The following STAT5B variants were observed in gnomAD, a reference collection of about 807,000 sequenced individuals.
The protein encoded by STAT5B is transcription factor STAT5B.
STAT5B carries 21 observed loss-of-function variants against 107.8 expected under a neutral mutation model. The ratio of observed to expected loss-of-function variants is 0.19; its 90% CI spans 0.14 to 0.28. The LOEUF is 0.28. Among genes scored for constraint, STAT5B ranks in the 10% least tolerant of loss-of-function variants. The pLI, the probability that STAT5B is intolerant of heterozygous loss-of-function variation, is 1.00. For synonymous variants in STAT5B, 325 were observed against 401.7 expected (o/e 0.81, Z 2.28); for missense variants, 565 against 1,008.2 (o/e 0.56, Z 5.95).
the STAT5B span, among the ~76,000 whole-genome samples, chr17:42,285,711 C>T: frequency 5.3e-5 from 8 of 152,200 alleles, no homozygotes; most frequent in African/African-American, 1.7e-4. Flanking sequence ...TCTGGAGCCA[C>T]GACTACAGTC....
At chr17:42,251,264 G>T (rs957844386) in intron 1 of STAT5B, among the ~76,000 whole-genome samples, 1 of 152,088 alleles carries the variant, frequency 6.6e-6, no homozygotes, top group East Asian at 1.9e-4. Context: ...GAACTGTCCT[G>T]GGCTTGGGTA....
At chr17:42,245,583 C>T (rs957378276) in intron 1 of STAT5B, among the ~76,000 whole-genome samples, 1 of 151,786 alleles carries the variant, frequency 6.6e-6, no homozygotes, top group African/African-American at 2.4e-5. Context: ...AGTGTAATGG[C>T]GCGATCTTGG....
intron 15 of STAT5B, among the ~76,000 whole-genome samples, chr17:42,209,153 C>T (rs1195916125): frequency 4.0e-5 from 6 of 151,852 alleles, no homozygotes; most frequent in African/African-American, 1.5e-4. Context: ...TCCCACCTCA[C>T]CCTCCAGAGT....
chr17:42,249,259 G>A (rs1448596505), intron 1 of STAT5B, among the ~76,000 whole-genome samples: 1 of 152,130 alleles, frequency 6.6e-6, no homozygotes, highest in Non-Finnish European at 1.5e-5. Context: ...TGGGTGTGGT[G>A]GCGCGTGACT....
chr17:42,266,706 T>C lies in STAT5B; in HGVS notation c.-11+9542A>G, dbSNP rs111946145. Among the ~76,000 whole-genome samples, 1,505 of 151,866 alleles carry C rather than the reference T, an allele frequency of 9.9e-3. 26 individuals carry two copies. Among genetic ancestry groups the C allele is most frequent in the African/African-American group, 0.035 (1,451 of 41,372 alleles). ...GGAGACATAGCAAGACCCCTGTCTC[T>C]ATTTTTTTTTAACTATGTGCATTTT... On this transcript the variant is annotated intron_variant, in intron 1 of 18. Coordinates refer to ENST00000293328, the MANE Select transcript of STAT5B (RefSeq NM_012448.4).
At chr17:42,286,018 G>A in the STAT5B span, among the ~76,000 whole-genome samples, 1,532 of 152,064 alleles carry the variant, frequency 0.01, 19 homozygotes, top group African/African-American at 0.035. Context: ...TCGGGAGTTC[G>A]AGACCAGCCT....
intron 1 of STAT5B, among the ~76,000 whole-genome samples, chr17:42,253,882 G>A (rs984104369): frequency 7.2e-5 from 11 of 151,996 alleles, no homozygotes; most frequent in Non-Finnish European, 1.2e-4. Flanking sequence ...TCTGTCTCTG[G>A]CACTTTAACA....
intron 16 of STAT5B, among the ~76,000 whole-genome samples, chr17:42,206,750 T>C (rs1252059847): frequency 1.3e-5 from 2 of 151,876 alleles, no homozygotes; most frequent in African/African-American, 2.4e-5. Context: ...TAATTTTGTA[T>C]TTTCAGTAGA....
rs941014817 is a variant in STAT5B at position 42,202,377 on chromosome 17, C to T, written c.2200G>A (p.Val734Met). 6.2e-7 allele frequency: 1 copy of T among 1,614,248 alleles called. No individual in the cohort carries two copies. The highest frequency in any genetic ancestry group is 8.5e-7 in the Non-Finnish European group (1 of 1,180,040). Residue 734 changes from valine (V) to methionine (M), a missense_variant, in exon 18 of 19, where the codon GTG becomes ATG. This residue lies in a region of STAT5B where 76 missense variants were observed against 110.2 expected (regional missense o/e 0.69). Transcript: ENST00000293328. The part of the protein sequence containing the change: ...TYMDQAPSPA[V>M]CPQAHYNMYP... The stretch of plus-strand genomic sequence containing the variant: ...ATGTTATAGTGAGCCTGGGGACACA[C>T]AGCTGGGGAGGGGGCCTGGTCCATG...
At chr17:42,239,741 T>C (rs1045447063) in intron 1 of STAT5B, among the ~76,000 whole-genome samples, 18 of 152,238 alleles carry the variant, frequency 1.2e-4, no homozygotes, top group South Asian at 6.2e-4. Flanking sequence ...CTGGCAATTC[T>C]ACAAAAGGGT....
At chr17:42,232,935 G>T (rs954708164) in intron 1 of STAT5B, among the ~76,000 whole-genome samples, 7 of 148,034 alleles carry the variant, frequency 4.7e-5, no homozygotes, top group Non-Finnish European at 8.9e-5. Context: ...TCTGCCTCCC[G>T]GGTTCAAGCA....
chr17:42,217,479 G>A lies in STAT5B; in HGVS notation c.1170-15C>T. 1 of 1,614,176 alleles carries A rather than the reference G, an allele frequency of 6.2e-7. No homozygotes were observed. The highest frequency in any genetic ancestry group is 8.5e-7 in the Non-Finnish European group (1 of 1,180,022). The stretch of plus-strand genomic sequence containing the variant: ...CACTGTAATCACTGCAAATCAGAGA[G>A]AGACCAGCTCCAAACCCATGCCAGG... On this transcript the variant is annotated splice_polypyrimidine_tract_variant and intron_variant, in intron 9 of 18. Transcript: ENST00000293328.
intron 1 of STAT5B, among the ~76,000 whole-genome samples, chr17:42,256,844 A>G (rs1222784228): frequency 7.5e-6 from 1 of 133,948 alleles, no homozygotes; most frequent in Non-Finnish European, 1.5e-5. Flanking sequence ...CCTGGGTGAC[A>G]GAGCGAGACT....
intron 1 of STAT5B, among the ~76,000 whole-genome samples, chr17:42,251,579 C>T (rs2080500158): frequency 6.6e-6 from 1 of 152,024 alleles, no homozygotes; most frequent in African/African-American, 2.4e-5. Flanking sequence ...AAGTTAGCTG[C>T]CATCTGGATA....
chr17:42,224,001 C>T (rs1238002246), intron 4 of STAT5B, among the ~76,000 whole-genome samples: 4 of 152,132 alleles, frequency 2.6e-5, no homozygotes, highest in Non-Finnish European at 5.9e-5. Flanking sequence ...TCATCTGTGT[C>T]CTCACTCAAG....
rs114475755 is a variant in STAT5B, at chr17:42,201,187, G to A, written c.*551C>T. On this transcript the variant is annotated 3_prime_UTR_variant, in exon 19 of 19. Coordinates refer to ENST00000293328, the MANE Select transcript of STAT5B (RefSeq NM_012448.4). ...CCCATTCCTACCCAAGAACACAGGG[G>A]TGGGGGAGAGGGAAGGCTCTCTTTG... is the stretch of plus-strand genomic sequence containing the variant. 1.8e-3 allele frequency: 756 copies of A among 415,154 alleles called. 7 individuals are homozygous for A. Among genetic ancestry groups the A allele is most frequent in the African/African-American group, 0.014 (682 of 48,984 alleles). The allele number at this position is 415,154 out of a possible 1,614,324, so 25.7% of individuals were successfully genotyped here.
upstream of STAT5B, among the ~76,000 whole-genome samples, chr17:42,279,437 C>T (rs906359243): frequency 1.3e-5 from 2 of 152,184 alleles, no homozygotes; most frequent in Non-Finnish European, 2.9e-5. Context: ...TTCCCAAGAC[C>T]GGCGGTCTAG....
intron 1 of STAT5B, among the ~76,000 whole-genome samples, chr17:42,238,858 T>C (rs2080378794): frequency 6.6e-6 from 1 of 151,658 alleles, no homozygotes; most frequent in Non-Finnish European, 1.5e-5. Flanking sequence ...TTCTCTCATC[T>C]TTGAATGAAA....
At chr17:42,238,697 C>T (rs1598319606) in intron 1 of STAT5B, among the ~76,000 whole-genome samples, 1 of 151,206 alleles carries the variant, frequency 6.6e-6, no homozygotes, top group Admixed American at 6.6e-5. Context: ...GTGATCCACC[C>T]ACCTCGGCCT....
Sources: allele counts gnomAD v4.1 joint callset (sites outside exome capture counted in the v4.1 genomes callset), GRCh38; gene constraint gnomAD v4.1.1; regional missense constraint gnomAD v4.1.1; transcripts MANE v1.5; gene names NCBI Gene and HGNC (gene_info 2026-07-23, HGNC 2026-07-21).